The following FHIT variants were observed in gnomAD, a reference collection of about 807,000 sequenced individuals.
FHIT encodes the protein fragile histidine triad diadenosine triphosphatase.
In FHIT, 19 loss-of-function variants were observed where a neutral mutation model predicts 17.9. The observed-to-expected ratio is 1.06, with a 90% CI of 0.74 to 1.56. The LOEUF is 1.56. FHIT is among the 40% of genes most tolerant of loss of function. The pLI, the probability that FHIT is intolerant of heterozygous loss-of-function variation, is 0.00. For missense variants in FHIT, 248 were observed against 189.2 expected, an observed-to-expected ratio of 1.31 and a Z score of -1.82; for synonymous variants, 81 against 69.7, an observed-to-expected ratio of 1.16 and a Z score of -0.81.
chr3:60,976,530 T>C (rs1226262932), intron 3 of FHIT, among the ~76,000 whole-genome samples: 5 of 152,156 alleles, frequency 3.3e-5, no homozygotes, highest in African/African-American at 9.7e-5. Context: ...TGAAACATAA[T>C]GTCACAGGGT....
chr3:60,898,151 C>T (rs1705925633), intron 3 of FHIT, among the ~76,000 whole-genome samples: 2 of 152,212 alleles, frequency 1.3e-5, no homozygotes, highest in South Asian at 4.1e-4. Context: ...ATTTTGTAAT[C>T]TGTTTCCATT....
At chr3:60,272,729 G>C (rs1706922376) in intron 5 of FHIT, among the ~76,000 whole-genome samples, 1 of 152,202 alleles carries the variant, frequency 6.6e-6, no homozygotes, top group Non-Finnish European at 1.5e-5. Flanking sequence ...TAAGAGGGAA[G>C]TGCATCTACA....
chr3:60,977,213 C>G (rs538385829), intron 3 of FHIT, among the ~76,000 whole-genome samples: 1 of 152,268 alleles, frequency 6.6e-6, no homozygotes, highest in Admixed American at 6.5e-5. Context: ...CTAATTTTCA[C>G]TGTTGCTGGA....
At chr3:59,797,676 A>G (rs1191572572) in intron 8 of FHIT, among the ~76,000 whole-genome samples, 1 of 152,234 alleles carries the variant, frequency 6.6e-6, no homozygotes, top group Non-Finnish European at 1.5e-5. Flanking sequence ...GCATTGAGAC[A>G]GATTTTAATT....
intron 4 of FHIT, among the ~76,000 whole-genome samples, chr3:60,560,825 ACACAC>A (rs2036912482): frequency 7.5e-6 from 1 of 133,340 alleles, no homozygotes; most frequent in African/African-American, 2.8e-5. Flanking sequence ...ACACACACAC[ACACAC>A]ACACACACAC....
At chr3:60,613,078 G>A (rs1314318784) in intron 4 of FHIT, among the ~76,000 whole-genome samples, 1 of 152,186 alleles carries the variant, frequency 6.6e-6, no homozygotes, top group African/African-American at 2.4e-5. Flanking sequence ...CTGAATATTA[G>A]TAGGGGATTT....
At chr3:60,586,001 TTTC>T (rs1199661259) in intron 4 of FHIT, among the ~76,000 whole-genome samples, 29 of 152,080 alleles carry the variant, frequency 1.9e-4, no homozygotes, top group African/African-American at 6.7e-4. Flanking sequence ...ACAAAAGAAT[TTTC>T]TTCTCATGGA....
chr3:59,834,832 T>C (rs17061244), intron 8 of FHIT, among the ~76,000 whole-genome samples: 4,223 of 152,294 alleles, frequency 0.028, 192 homozygotes, highest in African/African-American at 0.096. Context: ...AATATATCAA[T>C]GCATAAGTCT....
intron 5 of FHIT, among the ~76,000 whole-genome samples, chr3:60,263,553 G>T (rs530464516): frequency 2.0e-5 from 3 of 151,794 alleles, no homozygotes; most frequent in African/African-American, 4.8e-5. Context: ...AGGAGAAAAG[G>T]CCCCAGGAAC....
intron 5 of FHIT, among the ~76,000 whole-genome samples, chr3:60,130,784 G>GT (rs148356992): frequency 0.23 from 25,144 of 111,360 alleles, 3,025 homozygotes; most frequent in African/African-American, 0.36. Context: ...GTGTGTGTGT[G>GT]GTGTGTATAT....
At chr3:60,427,284 G>A (rs754590560) in intron 5 of FHIT, among the ~76,000 whole-genome samples, 2 of 152,084 alleles carry the variant, frequency 1.3e-5, no homozygotes, top group Non-Finnish European at 2.9e-5. Context: ...AAGATAATGG[G>A]TGCCCCAGTC....
At chr3:59,964,479 A>G (rs1707830947) in intron 7 of FHIT, among the ~76,000 whole-genome samples, 1 of 152,168 alleles carries the variant, frequency 6.6e-6, no homozygotes, top group Non-Finnish European at 1.5e-5. Context: ...CAGAACATAG[A>G]ATAAAAATAA....
At chr3:60,312,594 A>G (rs1260296779) in intron 5 of FHIT, among the ~76,000 whole-genome samples, 1 of 152,192 alleles carries the variant, frequency 6.6e-6, no homozygotes, top group Non-Finnish European at 1.5e-5. Context: ...CTTCTGATTT[A>G]ACAGTTCTGG....
intron 7 of FHIT, among the ~76,000 whole-genome samples, chr3:59,959,038 C>T (rs887088228): frequency 7.2e-5 from 11 of 152,196 alleles, no homozygotes; most frequent in Admixed American, 2.6e-4. Context: ...TGGAGACCCA[C>T]ATTTGTTAAT....
intron 5 of FHIT, among the ~76,000 whole-genome samples, chr3:60,173,918 T>TATATATATATATATATA (rs375142735): frequency 9.4e-4 from 44 of 46,818 alleles, no homozygotes; most frequent in South Asian, 2.3e-3. Flanking sequence ...TATATATATG[T>TATATATATATATATATA]TTTTTTTTTT....
intron 7 of FHIT, among the ~76,000 whole-genome samples, chr3:59,997,073 A>G (rs1699542199): frequency 6.6e-6 from 1 of 152,138 alleles, no homozygotes; most frequent in African/African-American, 2.4e-5. Context: ...AGAGCCTACT[A>G]TATTCTAAGT....
At chr3:59,835,780 CATTAAGTTG>C (rs1701318003) in intron 8 of FHIT, among the ~76,000 whole-genome samples, 1 of 152,152 alleles carries the variant, frequency 6.6e-6, no homozygotes, top group African/African-American at 2.4e-5. Flanking sequence ...ACCACTAGCT[CATTAAGTTG>C]ATTAGTTCCT....
At chr3:60,784,984 T>C (rs782133205) in intron 4 of FHIT, among the ~76,000 whole-genome samples, 1 of 152,152 alleles carries the variant, frequency 6.6e-6, no homozygotes, top group African/African-American at 2.4e-5. Flanking sequence ...CTGTTGTTTA[T>C]GAGCCACCTG....
intron 8 of FHIT, among the ~76,000 whole-genome samples, chr3:59,877,952 G>A (rs1703238420): frequency 6.6e-6 from 1 of 152,170 alleles, no homozygotes; most frequent in African/African-American, 2.4e-5. Flanking sequence ...GATTTAGTAG[G>A]ATGGTCAAAA....
Sources: gnomAD v4.1 joint callset for allele counts (sites outside exome capture counted in the v4.1 genomes callset) on GRCh38, gnomAD v4.1.1 for gene constraint, MANE v1.5 for transcripts, NCBI Gene and HGNC (gene_info 2026-07-23, HGNC 2026-07-21) for gene names.